NUSAP1: variants seen among roughly 807,000 people sequenced by gnomAD.
NUSAP1 encodes nucleolar and spindle-associated protein 1.
Under a neutral mutation model 52.8 loss-of-function variants are expected in NUSAP1, and 32 were observed. The ratio of observed to expected loss-of-function variants is 0.61; its 90% CI spans 0.46 to 0.81. NUSAP1 has a LOEUF of 0.81. Ranked by LOEUF, NUSAP1 falls within the 40% of genes least tolerant of loss-of-function variation. The pLI, the probability that NUSAP1 is intolerant of heterozygous loss-of-function variation, is 0.00. For synonymous variants in NUSAP1, 195 were observed against 183.1 expected (o/e 1.06, Z -0.52); for missense variants, 499 against 522.3 (o/e 0.96, Z 0.43).
At chr15:41,366,041 A>G (rs1033674857) in intron 7 of NUSAP1, among the ~76,000 whole-genome samples, 1 of 151,588 alleles carries the variant, frequency 6.6e-6, no homozygotes, top group Non-Finnish European at 1.5e-5. Context: ...TTCAATACAT[A>G]TATTGTATTG....
chr15:41,352,689 T>C (rs1378961768), intron 4 of NUSAP1, among the ~76,000 whole-genome samples: 3 of 151,982 alleles, frequency 2.0e-5, no homozygotes, highest in East Asian at 1.9e-4. Flanking sequence ...CCTGAGTACC[T>C]GGGACTATAG....
At chr15:41,350,826 C>T (rs1438796575) in intron 3 of NUSAP1, among the ~76,000 whole-genome samples, 162 bp from the exon 4 acceptor site, 2 of 152,096 alleles carry the variant, frequency 1.3e-5, no homozygotes, top group East Asian at 3.9e-4. Context: ...TTTACATTCT[C>T]GTGACAGTTG....
intron 2 of NUSAP1, 140 bp from the exon 3 acceptor site, chr15:41,348,958 G>A (rs1025839060): frequency 1.3e-5 from 10 of 777,510 alleles, no homozygotes; most frequent in African/African-American, 5.3e-5. Context: ...TCTTGTCTTT[G>A]CCTACAATTT....
At chr15:41,350,177 G>T (rs184654484) in intron 3 of NUSAP1, among the ~76,000 whole-genome samples, 1 of 152,084 alleles carries the variant, frequency 6.6e-6, no homozygotes, top group Non-Finnish European at 1.5e-5. Flanking sequence ...GGCACGCACC[G>T]GCTCGGAGGA....
chr15:41,353,755 A>G lies in NUSAP1; in HGVS notation c.449-2284A>G, dbSNP rs566479284. On this transcript the variant is annotated intron_variant, in intron 4 of 10. Coordinates refer to ENST00000559596, the MANE Select transcript of NUSAP1 (RefSeq NM_016359.5). ...TTCTTATATTTGTAAGATTAGACTC[A>G]TAGCTCTATAGCATATTATACGGGG... 2.6e-5 allele frequency among the ~76,000 whole-genome samples: 4 copies of G among 152,350 alleles called. No individual in the cohort carries two copies. In the South Asian group the frequency reaches 8.3e-4, roughly 32 times the overall value.
chr15:41,371,264 C>T (rs2049676238), intron 7 of NUSAP1, among the ~76,000 whole-genome samples: 1 of 152,156 alleles, frequency 6.6e-6, no homozygotes, highest in African/African-American at 2.4e-5. Context: ...CACACCTATT[C>T]CTCCATCACC....
At chr15:41,349,492 G>A in intron 3 of NUSAP1, 1 of 358,754 alleles carries the variant, frequency 2.8e-6, no homozygotes, top group Non-Finnish European at 5.2e-6. Flanking sequence ...CATTCATTGA[G>A]TGTTCACTTA....
In NUSAP1 at chr15:41,380,576, GAACAATA is replaced by G. The variant is rs780797690; in HGVS notation, c.*392_*398del. 1.7e-4 allele frequency: 29 copies of G among 168,062 alleles called. No homozygotes were observed. Among genetic ancestry groups the G allele is most frequent in the Non-Finnish European group, 3.2e-4 (25 of 78,214 alleles). The allele number at this position is 168,062 out of a possible 1,614,324, so 10.4% of individuals were successfully genotyped here. On this transcript the variant is annotated 3_prime_UTR_variant, in exon 11 of 11. Transcript: ENST00000559596. ...AGTTATGCAAGCTTCAGGAGAATTTGAACAATAACAAGAATAGGGTAAGCTGGGATAG... is the reference window on the plus strand; with the variant it reads ...AGTTATGCAAGCTTCAGGAGAATTTGACAAGAATAGGGTAAGCTGGGATAG...
chr15:41,374,174 T>C (rs1419820162), intron 8 of NUSAP1, among the ~76,000 whole-genome samples: 5 of 152,228 alleles, frequency 3.3e-5, no homozygotes, highest in Non-Finnish European at 5.9e-5. Context: ...AGACTATTCA[T>C]GTAGATTGTC....
chr15:41,371,745 A>G, intron 8 of NUSAP1, 61 bp downstream of exon 8: 1 of 1,510,028 alleles, frequency 6.6e-7, no homozygotes, highest in Non-Finnish European at 8.9e-7. Flanking sequence ...ACTTCCCAAA[A>G]TGATTAGGTA....
At chr15:41,362,913 C>T (rs1000219725) in intron 6 of NUSAP1, among the ~76,000 whole-genome samples, 7 of 152,070 alleles carry the variant, frequency 4.6e-5, no homozygotes, top group African/African-American at 1.7e-4. Flanking sequence ...GCGGAGATTG[C>T]TGTGAGCTGA....
intron 1 of NUSAP1, among the ~76,000 whole-genome samples, chr15:41,339,620 G>T (rs2048304375): frequency 6.6e-6 from 1 of 151,696 alleles, no homozygotes; most frequent in South Asian, 2.1e-4. Flanking sequence ...ATATTGTTCA[G>T]GCTGGTCTGG....
intron 10 of NUSAP1, among the ~76,000 whole-genome samples, chr15:41,377,592 G>A (rs756024027): frequency 1.3e-5 from 2 of 151,384 alleles, no homozygotes; most frequent in South Asian, 2.1e-4. Flanking sequence ...CCAGCTACTC[G>A]GGAGGCTGAG....
At chr15:41,347,860 C>T (rs577336960) in intron 2 of NUSAP1, among the ~76,000 whole-genome samples, 1 of 151,354 alleles carries the variant, frequency 6.6e-6, no homozygotes, top group East Asian at 1.9e-4. Flanking sequence ...TAGAGGCTCA[C>T]GTGTGTAATC....
intron 2 of NUSAP1, among the ~76,000 whole-genome samples, chr15:41,346,826 CAAAAATAAA>C (rs1447644568): frequency 0.031 from 4,047 of 129,940 alleles, 97 homozygotes; most frequent in East Asian, 0.14. Flanking sequence ...GACCCCGTCT[CAAAAATAAA>C]TAAATAAATA....
chr15:41,349,684 A>G (rs903278130), intron 3 of NUSAP1, among the ~76,000 whole-genome samples: 2 of 150,518 alleles, frequency 1.3e-5, no homozygotes, highest in Non-Finnish European at 3.0e-5. Context: ...CTTTCCGTAG[A>G]CTCTGGTTTT....
At chr15:41,338,352 C>T (rs1178503051) in intron 1 of NUSAP1, among the ~76,000 whole-genome samples, 2 of 152,282 alleles carry the variant, frequency 1.3e-5, no homozygotes, top group East Asian at 1.9e-4. Flanking sequence ...TTCAACAACA[C>T]GGTCAGGTCC....
At chr15:41,346,498 G>A (rs1380820929) in intron 2 of NUSAP1, among the ~76,000 whole-genome samples, 1 of 151,686 alleles carries the variant, frequency 6.6e-6, no homozygotes, top group Non-Finnish European at 1.5e-5. Flanking sequence ...TGTAGAGACT[G>A]GGGTCTCATT....
chr15:41,333,147 T>G, intron 1 of NUSAP1, 97 bp downstream of exon 1: 1 of 883,990 alleles, frequency 1.1e-6, no homozygotes, highest in Admixed American at 2.1e-5. Flanking sequence ...AGCCCGGGAC[T>G]GAGGCAGCTC....
Sources: allele counts gnomAD v4.1 joint callset (sites outside exome capture counted in the v4.1 genomes callset), GRCh38; gene constraint gnomAD v4.1.1; transcripts MANE v1.5; gene names NCBI Gene and HGNC (gene_info 2026-07-23, HGNC 2026-07-21).